The following TCF20 variants were observed in gnomAD, a reference collection of about 807,000 sequenced individuals.
The protein encoded by TCF20 is SPRE-binding protein.
In TCF20, 3 loss-of-function variants were observed where a neutral mutation model predicts 148.6. That is an observed-to-expected ratio of 0.02 (90% CI 0.01 to 0.05). The LOEUF (loss-of-function observed/expected upper bound fraction) is 0.05. Ranked by LOEUF, TCF20 falls within the 10% of genes least tolerant of loss-of-function variation. The pLI, the probability that TCF20 is intolerant of heterozygous loss-of-function variation, is 1.00. For missense variants in TCF20, 2,350 were observed against 2,429.3 expected (o/e 0.97, Z 0.69); for synonymous variants, 1,049 against 909.5 (o/e 1.15, Z -2.76).
chr22:42,315,324 A>G (rs1927609565), intron 1 of TCF20, among the ~76,000 whole-genome samples: 1 of 152,188 alleles, frequency 6.6e-6, no homozygotes, highest in African/African-American at 2.4e-5. Flanking sequence ...AGTGGGCTCC[A>G]TCTGGGGTCC....
intron 2 of TCF20, among the ~76,000 whole-genome samples, chr22:42,190,783 A>G (rs1271928038): frequency 1.2e-4 from 1 of 8,248 alleles, no homozygotes; most frequent in Non-Finnish European, 2.2e-4. Flanking sequence ...TTTACTATGT[A>G]CACTTTATTG....
At position 42,254,359 on chromosome 22, in the gene TCF20, A is replaced by G. The variant is rs138324565; in HGVS notation, c.-37+15980T>C. Among the ~76,000 whole-genome samples the G allele has an allele frequency of 1.8e-4, 27 of 152,326 alleles. No homozygotes were observed. The East Asian group carries it at 5.2e-3, about 29-fold the overall frequency. ...ATCCAAAACTAAACTCTTCCTCTTC[A>G]AATGGCCACAAACTTATCCTGCAAG... On this transcript the variant is annotated intron_variant, in intron 1 of 5. Transcript: ENST00000677622.
chr22:42,212,212 G>T lies in TCF20; in HGVS notation c.3094C>A (p.His1032Asn). 6.2e-6 allele frequency: 10 copies of T among 1,614,232 alleles called. No homozygotes were observed. Among genetic ancestry groups the T allele is most frequent in the Non-Finnish European group, 8.5e-6 (10 of 1,180,036 alleles). Residue 1032 changes from histidine (H) to asparagine (N), a missense_variant, in exon 2 of 6, where the codon CAC becomes AAC. His to Asn is a moderately conservative substitution (Grantham distance 68, BLOSUM62 1). This residue lies in a region of TCF20 where 1,641 missense variants were observed against 1,662.6 expected (regional missense o/e 0.99). Transcript: ENST00000677622. ...GAAAAGGTCATGTGTGGATTCATGTGATGAGGGTCTCCCCCTGGGCCTCTG... is the reference window on the plus strand; with the variant it reads ...GAAAAGGTCATGTGTGGATTCATGTTATGAGGGTCTCCCCCTGGGCCTCTG... ...RSRGPGGDPH[H>N]MNPHMTFSER...
At chr22:42,237,571 G>A (rs527361909) in intron 1 of TCF20, among the ~76,000 whole-genome samples, 6 of 152,260 alleles carry the variant, frequency 3.9e-5, no homozygotes, top group East Asian at 3.9e-4. Flanking sequence ...AATCCTTTCC[G>A]AAAGGTTTTC....
At chr22:42,296,456 T>C (rs1016284467) in intron 1 of TCF20, among the ~76,000 whole-genome samples, 3 of 152,222 alleles carry the variant, frequency 2.0e-5, no homozygotes, top group Non-Finnish European at 4.4e-5. Flanking sequence ...CCAAGGGCCA[T>C]GAGGGGCAGT....
At chr22:42,269,554 G>A (rs1926477979) in intron 1 of TCF20, among the ~76,000 whole-genome samples, 1 of 152,190 alleles carries the variant, frequency 6.6e-6, no homozygotes, top group Admixed American at 6.5e-5. Flanking sequence ...GGCCCGATTG[G>A]CCACGCTCCT....
At chr22:42,254,848 C>G (rs13056975) in intron 1 of TCF20, among the ~76,000 whole-genome samples, 5,054 of 149,716 alleles carry the variant, frequency 0.034, 114 homozygotes, top group Non-Finnish European at 0.052. Context: ...GCCTGTAGTC[C>G]CAAATACTCT....
intron 2 of TCF20, among the ~76,000 whole-genome samples, chr22:42,198,975 A>G (rs1203404557): frequency 6.6e-6 from 1 of 151,998 alleles, no homozygotes; most frequent in Non-Finnish European, 1.5e-5. Context: ...CCCTCCAAAT[A>G]TTTCCAATCT....
chr22:42,324,421 A>G (rs898770138), intron 1 of TCF20, among the ~76,000 whole-genome samples: 2 of 152,094 alleles, frequency 1.3e-5, no homozygotes, highest in African/African-American at 4.8e-5. Flanking sequence ...AACCTCCACC[A>G]TTCCAGAAAA....
intron 1 of TCF20, among the ~76,000 whole-genome samples, chr22:42,283,200 A>T (rs1289920796): frequency 1.3e-5 from 2 of 152,110 alleles, no homozygotes; most frequent in Admixed American, 1.3e-4. Flanking sequence ...CCATCGCCCA[A>T]CTCGCAGCAG....
chr22:42,315,966 T>A (rs1927621984), intron 1 of TCF20, among the ~76,000 whole-genome samples: 1 of 150,998 alleles, frequency 6.6e-6, no homozygotes, highest in Non-Finnish European at 1.5e-5. Context: ...ATACAAAAAA[T>A]TAGCTGGGCG....
At chr22:42,218,156 GCTC>G (rs999613014) in intron 1 of TCF20, among the ~76,000 whole-genome samples, 8 of 152,138 alleles carry the variant, frequency 5.3e-5, no homozygotes, top group African/African-American at 1.9e-4. Flanking sequence ...ACACTAGCAC[GCTC>G]CTTTTACAGA....
intron 1 of TCF20, among the ~76,000 whole-genome samples, chr22:42,229,971 C>T (rs1412788414): frequency 6.6e-6 from 1 of 152,206 alleles, no homozygotes; most frequent in East Asian, 1.9e-4. Flanking sequence ...GCCAAGCAAA[C>T]ACTTGTTGCT....
intron 1 of TCF20, among the ~76,000 whole-genome samples, chr22:42,323,978 T>TGGAGGTTATGGTGGTGGAGGTGGTGGC (rs1927804038): frequency 7.8e-6 from 1 of 129,006 alleles, no homozygotes; most frequent in Non-Finnish European, 1.6e-5. Flanking sequence ...ATGGTGGTGG[T>TGGAGGTTATGGTGGTGGAGGTGGTGGC]GGAGGTTATG....
At chr22:42,165,396 T>C (rs1935722341) in intron 5 of TCF20, among the ~76,000 whole-genome samples, 1 of 152,220 alleles carries the variant, frequency 6.6e-6, no homozygotes, top group South Asian at 2.1e-4. Flanking sequence ...CAGGGCCTGT[T>C]AGGGCAAGCT....
At chr22:42,323,900 T>C (rs1569209655) in intron 1 of TCF20, among the ~76,000 whole-genome samples, 2 of 40,418 alleles carry the variant, frequency 4.9e-5, no homozygotes, top group Admixed American at 3.0e-4. Context: ...GTTATGGTGG[T>C]GGAGGTGGTG....
chr22:42,272,366 TG>T (rs199526248), upstream of TCF20, among the ~76,000 whole-genome samples: 420 of 152,360 alleles, frequency 2.8e-3, no homozygotes, highest in African/African-American at 9.6e-3. Flanking sequence ...AGACTGGTGT[TG>T]GGGGCACCCT....
chr22:42,314,027 T>C (rs1199905174), intron 1 of TCF20, among the ~76,000 whole-genome samples: 3 of 152,238 alleles, frequency 2.0e-5, no homozygotes, highest in Admixed American at 2.0e-4. Context: ...CGGCAGGTGC[T>C]CTGTCTGCTG....
intron 2 of TCF20, among the ~76,000 whole-genome samples, chr22:42,194,826 A>G (rs555773075): frequency 6.6e-6 from 1 of 151,996 alleles, no homozygotes; most frequent in South Asian, 2.1e-4. Context: ...TCCAAGTGCC[A>G]CATGGGGAGG....
Sources: gnomAD v4.1 joint callset for allele counts (sites outside exome capture counted in the v4.1 genomes callset) on GRCh38, gnomAD v4.1.1 for gene constraint, gnomAD v4.1.1 regional missense constraint, MANE v1.5 for transcripts, NCBI Gene and HGNC (gene_info 2026-07-23, HGNC 2026-07-21) for gene names.